ZSWIM6: variants seen among roughly 807,000 people sequenced by gnomAD.
The protein encoded by ZSWIM6 is zinc finger SWIM domain-containing protein 6.
ZSWIM6 carries 9 observed loss-of-function variants against 113.2 expected under a neutral mutation model. The ratio of observed to expected loss-of-function variants is 0.08; its 90% confidence interval spans 0.05 to 0.14. The LOEUF (loss-of-function observed/expected upper bound fraction) is 0.14. Ranked by LOEUF, ZSWIM6 falls within the 10% of genes least tolerant of loss-of-function variation. The probability of loss-of-function intolerance (pLI) is 1.00; values close to 1 mark genes in which losing one functional copy is unlikely to be tolerated. For missense variants in ZSWIM6, 1,162 were observed against 1,552.2 expected (o/e 0.75, Z 4.22); for synonymous variants, 611 against 606.5 (o/e 1.01, Z -0.11).
At chr5:61,484,572 A>G (rs971726087) in intron 2 of ZSWIM6, among the ~76,000 whole-genome samples, 2 of 152,174 alleles carry the variant, frequency 1.3e-5, no homozygotes, top group East Asian at 1.9e-4. Context: ...ATCTATAGGT[A>G]TTTTGTGCAG....
In ZSWIM6 at chr5:61,472,728, C is replaced by G. The variant is rs1385650020; in HGVS notation, c.724C>G (p.Pro242Ala). 1 of 1,549,518 alleles carries G rather than the reference C, an allele frequency of 6.5e-7. No homozygotes were observed. The highest frequency in any genetic ancestry group is 8.7e-7 in the Non-Finnish European group (1 of 1,145,668). Residue 242 changes from proline to alanine, a missense_variant, in exon 2 of 14, where the codon CCA becomes GCA. By Grantham distance (27) the Pro-to-Ala change is conservative. Coordinates refer to ENST00000252744, the MANE Select transcript of ZSWIM6 (RefSeq NM_020928.2). This position sits in a 1 kb window ranked among gnomAD's most constrained non-coding sequence, Gnocchi z 4.1. ...GACAGAACCTGCAATACAATCGGAG[C>G]CAGAAACTGTTTGCAACGTGGCCAT... ...TVTEPAIQSE[P>A]ETVCNVAISF...
rs577827372 is a variant in ZSWIM6, at chr5:61,429,129, TTG to T, written c.677-43551_677-43550del. On this transcript the variant is annotated intron_variant, in intron 1 of 13. Coordinates refer to ENST00000252744, the MANE Select transcript of ZSWIM6 (RefSeq NM_020928.2). ...TGTGTGTTGGGGGGACAGTCAAGTG[TTG>T]CTACTCATTTGAGGTTCATATTCTG... Among the ~76,000 whole-genome samples, 54 of 152,372 alleles carry T rather than the reference TTG, an allele frequency of 3.5e-4. 1 individual carries two copies. The South Asian group carries it at 8.7e-3, about 25-fold the overall frequency.
chr5:61,465,384 T>C (rs986702599), intron 1 of ZSWIM6, among the ~76,000 whole-genome samples: 1 of 152,014 alleles, frequency 6.6e-6, no homozygotes, highest in Non-Finnish European at 1.5e-5. Flanking sequence ...GGAACCCTTA[T>C]GTGCTTCAGG....
At chr5:61,452,436 G>A (rs954290378) in intron 1 of ZSWIM6, among the ~76,000 whole-genome samples, 6 of 151,930 alleles carry the variant, frequency 3.9e-5, no homozygotes, top group African/African-American at 1.5e-4. Flanking sequence ...CCTCCTGCCC[G>A]TTCTCATGGT....
intron 1 of ZSWIM6, among the ~76,000 whole-genome samples, chr5:61,339,075 C>G (rs562947179): frequency 2.0e-5 from 3 of 152,260 alleles, no homozygotes; most frequent in Admixed American, 2.0e-4. Context: ...TATGGACCAG[C>G]ATCTCTTTCT....
At chr5:61,496,888 T>C (rs765588132) in intron 4 of ZSWIM6, among the ~76,000 whole-genome samples, 7 of 152,280 alleles carry the variant, frequency 4.6e-5, no homozygotes, top group South Asian at 2.1e-4. Context: ...AAAGTTGTAA[T>C]GCAAAACAAC....
intron 1 of ZSWIM6, among the ~76,000 whole-genome samples, chr5:61,355,617 A>G (rs930909556): frequency 7.2e-5 from 11 of 152,212 alleles, no homozygotes; most frequent in African/African-American, 2.4e-4. Flanking sequence ...AGAAAAGGAT[A>G]GTAGATTGCT....
Position 61,526,280 on chromosome 5 carries a change from A to C in ZSWIM6, c.1721A>C (p.Asp574Ala). The change falls in exon 7 of 14, where the codon GAC becomes GCC. Residue 574 changes from aspartate to alanine, a missense_variant. Asp to Ala is a moderately radical substitution (Grantham distance 126). Transcript: ENST00000252744. ...EHVPTACARV[D>A]ALRSHGYPRE... is the part of the protein sequence containing the mutation. Reference sequence around the variant, plus strand: ...GTTCCTACAGCCTGTGCAAGAGTGGACGCATTACGTTCTCATGGGTACCCC... The same window carrying C: ...GTTCCTACAGCCTGTGCAAGAGTGGCCGCATTACGTTCTCATGGGTACCCC... 1 of 1,551,876 alleles carries C rather than the reference A, an allele frequency of 6.4e-7. No individual in the cohort carries two copies. Among genetic ancestry groups the C allele is most frequent in the Non-Finnish European group, 8.7e-7 (1 of 1,147,006 alleles).
At chr5:61,434,349 GAGA>G (rs1746656158) in intron 1 of ZSWIM6, among the ~76,000 whole-genome samples, 1 of 151,500 alleles carries the variant, frequency 6.6e-6, no homozygotes, top group East Asian at 1.9e-4. Flanking sequence ...TGGTTACATG[GAGA>G]AGTTCTTTAG....
Position 61,332,705 on chromosome 5 carries a change from G to A in ZSWIM6, c.433G>A (p.Gly145Ser). The A allele has an allele frequency of 1.0e-6, 1 of 970,958 alleles. No individual in the cohort carries two copies. The allele number at this position is 970,958 out of a possible 1,614,324, so 60.1% of individuals were successfully genotyped here. A position where few individuals can be genotyped will look rare whatever the true frequency, so the allele number is the denominator to read the frequency against. Residue 145 changes from glycine to serine, a missense_variant, in exon 1 of 14, where the codon GGC (glycine) becomes AGC (serine). Physicochemically the swap from Gly to Ser is moderately conservative, Grantham distance 56 (BLOSUM62 0). Transcript: ENST00000252744. The part of the protein sequence containing the change: ...GGPGDDSGGG[G>S]GAGGGGGGGS... ...CCCCGGCGACGACAGCGGTGGCGGC[G>A]GCGGCGCGGGCGGCGGCGGCGGCGG...
At chr5:61,526,169 G>A in intron 6 of ZSWIM6, 81 bp from the exon 7 acceptor site, 5 of 1,466,246 alleles carry the variant, frequency 3.4e-6, no homozygotes, top group Non-Finnish European at 4.5e-6. Flanking sequence ...AGTATTTTGG[G>A]AGAAACATCT....
intron 1 of ZSWIM6, among the ~76,000 whole-genome samples, chr5:61,385,658 C>T (rs1745579368): frequency 6.6e-6 from 1 of 152,210 alleles, no homozygotes; most frequent in Non-Finnish European, 1.5e-5. Context: ...CTAGAATGCA[C>T]ATCCTCTGTA....
chr5:61,443,042 C>G (rs1746872856), intron 1 of ZSWIM6, among the ~76,000 whole-genome samples: 1 of 152,184 alleles, frequency 6.6e-6, no homozygotes, highest in African/African-American at 2.4e-5. Flanking sequence ...AACACACCAG[C>G]CTTTCACTTA....
chr5:61,412,026 C>T (rs1295941677), intron 1 of ZSWIM6, among the ~76,000 whole-genome samples: 1 of 152,174 alleles, frequency 6.6e-6, no homozygotes, highest in Non-Finnish European at 1.5e-5. Context: ...GATTTAATTT[C>T]AGCCCACAAG....
At chr5:61,339,486 T>A (rs1744487094) in intron 1 of ZSWIM6, among the ~76,000 whole-genome samples, 1 of 152,146 alleles carries the variant, frequency 6.6e-6, no homozygotes. Flanking sequence ...ACTGTAAATT[T>A]TCTTCACTGA....
chr5:61,440,472 G>A (rs1295248799), intron 1 of ZSWIM6, among the ~76,000 whole-genome samples: 1 of 151,116 alleles, frequency 6.6e-6, no homozygotes, highest in African/African-American at 2.4e-5. Flanking sequence ...CATAATCAAT[G>A]TCTCTTACCT....
chr5:61,472,711 C>G lies in ZSWIM6; in HGVS notation c.707C>G (p.Pro236Arg). Residue 236 changes from proline to arginine, a missense_variant, in exon 2 of 14, where the codon CCT becomes CGT. Physicochemically the swap from Pro to Arg is moderately radical, Grantham distance 103. Coordinates refer to ENST00000252744, the MANE Select transcript of ZSWIM6 (RefSeq NM_020928.2). This position sits in a 1 kb window ranked among gnomAD's most constrained non-coding sequence, Gnocchi z 4.1. ...CACTTGAGCGGCACAGTGACAGAAC[C>G]TGCAATACAATCGGAGCCAGAAACT... The part of the protein sequence containing the change: ...GFHLSGTVTE[P>R]AIQSEPETVC... 6.5e-7 allele frequency: 1 copy of G among 1,545,118 alleles called. No homozygotes were observed. The highest frequency in any genetic ancestry group is 2.4e-5 in the East Asian group (1 of 40,828).
chr5:61,378,586 G>T (rs933628578), intron 1 of ZSWIM6, among the ~76,000 whole-genome samples: 10 of 150,868 alleles, frequency 6.6e-5, no homozygotes, highest in Non-Finnish European at 4.4e-5. Context: ...ACAGGGTTTT[G>T]CTCTTGTTGC....
chr5:61,498,786 A>T (rs943026056), intron 4 of ZSWIM6, among the ~76,000 whole-genome samples: 1 of 152,180 alleles, frequency 6.6e-6, no homozygotes, highest in Non-Finnish European at 1.5e-5. Flanking sequence ...TAAGTCACAC[A>T]TTCAAAATGA....
Sources: gnomAD v4.1 joint callset for allele counts (sites outside exome capture counted in the v4.1 genomes callset) on GRCh38, gnomAD v4.1.1 for gene constraint, Gnocchi (gnomAD v3.1) non-coding constraint, MANE v1.5 for transcripts, NCBI Gene and HGNC (gene_info 2026-07-23, HGNC 2026-07-21) for gene names.